Variants in RNF19A observed in about 807,000 individuals in gnomAD.
RNF19A encodes ring finger protein 19A, RBR E3 ubiquitin protein ligase.
In RNF19A, 32 loss-of-function variants were observed where a neutral mutation model predicts 75.7. The ratio of observed to expected loss-of-function variants is 0.42; its 90% CI spans 0.32 to 0.57. RNF19A has a LOEUF of 0.57. RNF19A is among the 20% of genes least tolerant of loss of function. The pLI is 0.10. For missense variants in RNF19A, 782 were observed against 1,036.3 expected, an observed-to-expected ratio of 0.75 and a Z score of 3.37; for synonymous variants, 335 against 345.2, an observed-to-expected ratio of 0.97 and a Z score of 0.33.
intron 5 of RNF19A, among the ~76,000 whole-genome samples, chr8:100,267,572 G>A (rs1820043341): frequency 6.6e-6 from 1 of 151,712 alleles, no homozygotes; most frequent in Non-Finnish European, 1.5e-5. Flanking sequence ...GTCTCACTAT[G>A]TTGTCCAGGC....
intron 1 of RNF19A, among the ~76,000 whole-genome samples, chr8:100,319,446 C>A (rs1010593073): frequency 1.3e-5 from 2 of 151,918 alleles, no homozygotes; most frequent in African/African-American, 4.8e-5. Context: ...GGAGTTGAGG[C>A]CTACTTTGCA....
At chr8:100,300,584 T>G (rs1361081563) in intron 1 of RNF19A, 2 of 152,048 alleles carry the variant, frequency 1.3e-5, no homozygotes, top group East Asian at 3.9e-4. Context: ...GCCCAGGAAT[T>G]CCAGGCTGCA....
At chr8:100,309,229 A>T (rs981330958) in intron 1 of RNF19A, 3 of 806,050 alleles carry the variant, frequency 3.7e-6, no homozygotes, top group Non-Finnish European at 4.5e-6. Context: ...CTTCACCCCA[A>T]GGCTACACCA....
In RNF19A at chr8:100,259,944, G is replaced by C. The variant is rs1335497088; in HGVS notation, c.1736C>G (p.Ser579Cys). ...QKERYSLSGE[S>C]GTVSLGTVSD... ...AACTGTTCCCAAGCTGACTGTGCCA[G>C]ATTCTCCACTTAGACTGTACCGTTC... The change falls in exon 9 of 10, where the codon TCT becomes TGT. Residue 579 changes from serine (S) to cysteine (C), a missense_variant. Physicochemically the swap from Ser to Cys is moderately radical, Grantham distance 112 (BLOSUM62 -1). Transcript: ENST00000341084. This position sits in a 1 kb window ranked among gnomAD's most constrained non-coding sequence, Gnocchi z 4.5. 2.5e-6 allele frequency: 4 copies of C among 1,613,888 alleles called. No homozygotes were observed. The highest frequency in any genetic ancestry group is 4.5e-5 in the East Asian group (2 of 44,864).
chr8:100,292,435 G>GGGGTGGGTGT (rs137938989), intron 1 of RNF19A, among the ~76,000 whole-genome samples: 9 of 145,332 alleles, frequency 6.2e-5, no homozygotes, highest in African/African-American at 2.3e-4. Context: ...CTATCATATG[G>GGGGTGGGTGT]GTGTGTGTGT....
chr8:100,311,086 C>T (rs1018709025), upstream of RNF19A, among the ~76,000 whole-genome samples: 4 of 152,214 alleles, frequency 2.6e-5, no homozygotes, highest in Admixed American at 6.5e-5. Context: ...ATCACTCTCC[C>T]AGTCCTTGTT....
chr8:100,258,925 AC>A lies in RNF19A; in HGVS notation c.2147del (p.Ser716IlefsTer5). On this transcript the variant is annotated frameshift_variant, in exon 10 of 10. Transcript: ENST00000341084. LOFTEE classifies it high-confidence loss of function. This position sits in a 1 kb window ranked among gnomAD's most constrained non-coding sequence, Gnocchi z 4.3. Reference protein sequence around the residue: ...SEFEAPSLSDSMPSVADSHSS... With the variant: ...SEFEAPSLSDXMPSVADSHSS... Reference sequence around the variant, plus strand: ...AGTGAGAATCTGCTACAGAAGGCATACTGTCACTGAGGGATGGAGCCTCAAA... The same window carrying A: ...AGTGAGAATCTGCTACAGAAGGCATATGTCACTGAGGGATGGAGCCTCAAA... 1 of 1,614,262 alleles carries A rather than the reference AC, an allele frequency of 6.2e-7. No homozygotes were observed. Among genetic ancestry groups the A allele is most frequent in the Non-Finnish European group, 8.5e-7 (1 of 1,180,046 alleles).
At chr8:100,310,189 G>A (rs1166186893), upstream of RNF19A, 3 of 985,192 alleles carry the variant, frequency 3.0e-6, no homozygotes, top group African/African-American at 5.2e-5. Context: ...CGCGCCGCCC[G>A]CGTGCTGTGC....
Position 100,258,702 on chromosome 8 carries a change from G to A in RNF19A, c.2371C>T (p.Gln791Ter), listed in dbSNP as rs368066114. ...TGTTCTTCAGCAATATGATTCAACT[G>A]TGAAACTTCTGAACAGGAAGCAGTT... is the stretch of plus-strand genomic sequence containing the variant. ...TQTASCSEVSQLNHIAEEHGN... is the reference protein window; with the variant it reads ...TQTASCSEVS Residue 791 changes from glutamine to a stop codon, truncating the protein, a stop_gained, in exon 10 of 10, where the codon CAG (glutamine) becomes TAG (stop). Coordinates refer to ENST00000341084, the MANE Select transcript of RNF19A (RefSeq NM_183419.4). LOFTEE classifies it high-confidence loss of function. The surrounding 1 kb of genome is among the most constrained non-coding windows in gnomAD (Gnocchi z 4.3). 5.0e-6 allele frequency: 8 copies of A among 1,614,046 alleles called. No homozygotes were observed. Among genetic ancestry groups the A allele is most frequent in the Middle Eastern group, 1.6e-4 (1 of 6,084 alleles).
intron 2 of RNF19A, among the ~76,000 whole-genome samples, chr8:100,285,758 A>G (rs1586643080): frequency 6.6e-6 from 1 of 152,060 alleles, no homozygotes; most frequent in East Asian, 1.9e-4. Context: ...TTGGCCTCTC[A>G]AAGTGCTGGG....
intron 3 of RNF19A, among the ~76,000 whole-genome samples, chr8:100,271,819 T>A (rs1021694732): frequency 2.6e-5 from 4 of 152,174 alleles, no homozygotes; most frequent in African/African-American, 9.6e-5. Context: ...GGATGATATA[T>A]TTCTCTCCAA....
At chr8:100,306,538 G>C (rs1822069798) in intron 1 of RNF19A, among the ~76,000 whole-genome samples, 1 of 152,092 alleles carries the variant, frequency 6.6e-6, no homozygotes, top group African/African-American at 2.4e-5. Context: ...CAGTGATAAA[G>C]AGAGCAATGC....
intron 2 of RNF19A, among the ~76,000 whole-genome samples, chr8:100,278,311 T>TATAA (rs1257053604): frequency 6.6e-6 from 1 of 152,228 alleles, no homozygotes. Context: ...ACATAAGTAA[T>TATAA]ATAAATAATG....
rs1822504022 is a variant in RNF19A, at chr8:100,324,578, T to C, written c.-242-11206A>G. Reference sequence around the variant, plus strand: ...AAACCCTACTCCCACTTTACCCCCATCTAGTAATGAATCACTGTTTTCTTT... The same window carrying C: ...AAACCCTACTCCCACTTTACCCCCACCTAGTAATGAATCACTGTTTTCTTT... On this transcript the variant is annotated intron_variant, in intron 1 of 3. Coordinates refer to the RNF19A transcript ENST00000519527. The surrounding 1 kb of genome is among the most constrained non-coding windows in gnomAD (Gnocchi z 4.2). 1.3e-5 allele frequency among the ~76,000 whole-genome samples: 2 copies of C among 152,190 alleles called. No homozygotes were observed. The highest frequency in any genetic ancestry group is 2.4e-5 in the African/African-American group (1 of 41,452).
At position 100,261,653 on chromosome 8, in the gene RNF19A, C is replaced by T. The variant is rs768668517; in HGVS notation, c.1571G>A (p.Arg524Gln). Residue 524 changes from arginine to glutamine, a missense_variant, in exon 8 of 10, where the codon CGA (arginine) becomes CAA (glutamine). By Grantham distance (43) the Arg-to-Gln change is conservative (BLOSUM62 1). Transcript: ENST00000341084. The surrounding 1 kb of genome is among the most constrained non-coding windows in gnomAD (Gnocchi z 4.4). ...CAGGTTGTCTCGGATGGCTCCTATT[C>T]GATCCATGTGGCTTCCACTTGCACT... ...SLSASGSHMD[R>Q]IGAIRDNLSE... 6 of 1,613,988 alleles carry T rather than the reference C, an allele frequency of 3.7e-6. No homozygotes were observed. The highest frequency in any genetic ancestry group is 5.1e-6 in the Non-Finnish European group (6 of 1,180,012).
intron 5 of RNF19A, among the ~76,000 whole-genome samples, chr8:100,267,778 G>A (rs1820054347): frequency 1.3e-5 from 2 of 151,232 alleles, no homozygotes; most frequent in African/African-American, 4.9e-5. Context: ...CCAGGTTCAA[G>A]TGATTCTCCT....
At chr8:100,268,646 C>T in intron 5 of RNF19A, 139 bp downstream of exon 5, 1 of 426,960 alleles carries the variant, frequency 2.3e-6, no homozygotes, top group Non-Finnish European at 3.8e-6. Flanking sequence ...AAAAGAGTAA[C>T]TGTTTTATAC....
intron 2 of RNF19A, among the ~76,000 whole-genome samples, chr8:100,286,322 TTTG>T (rs900639744): frequency 1.3e-5 from 2 of 152,318 alleles, no homozygotes; most frequent in East Asian, 1.9e-4. Flanking sequence ...CATAACGTAT[TTTG>T]TTGTTATCTA....
rs2093881617 is a variant in RNF19A at position 100,275,837 on chromosome 8, A to T, written c.675-676T>A. ...TGACTATAGGTTAGTTTTAACTGTC[A>T]GGTAATGGCATACTGTGCCAATTTA... On this transcript the variant is annotated intron_variant, in intron 2 of 9. Coordinates refer to ENST00000341084, the MANE Select transcript of RNF19A (RefSeq NM_183419.4). This position sits in a 1 kb window ranked among gnomAD's most constrained non-coding sequence, Gnocchi z 4.3. Among the ~76,000 whole-genome samples the T allele has an allele frequency of 6.6e-6, 1 of 152,204 alleles. No individual in the cohort carries two copies. Among genetic ancestry groups the T allele is most frequent in the Non-Finnish European group, 1.5e-5 (1 of 68,024 alleles).
Sources: gnomAD v4.1 joint callset for allele counts (sites outside exome capture counted in the v4.1 genomes callset) on GRCh38, gnomAD v4.1.1 for gene constraint, Gnocchi (gnomAD v3.1) non-coding constraint, MANE v1.5 for transcripts, NCBI Gene and HGNC (gene_info 2026-07-23, HGNC 2026-07-21) for gene names.